Variants in SPINK6 observed in about 807,000 individuals in gnomAD.
SPINK6 encodes serine peptidase inhibitor Kazal type 6, also known as serine protease inhibitor Kazal-type 6.
SPINK6 carries 13 observed loss-of-function variants against 11.7 expected under a neutral mutation model. The observed-to-expected ratio is 1.11, with a 90% CI of 0.72 to 1.76. The LOEUF is 1.76. Ranked by LOEUF, SPINK6 falls within the 40% of genes most tolerant of loss-of-function variation. The pLI, the probability that SPINK6 is intolerant of heterozygous loss-of-function variation, is 0.00. For missense variants in SPINK6, 98 were observed against 93.7 expected (o/e 1.05, Z -0.19); for synonymous variants, 21 against 31.9 (o/e 0.66, Z 1.15).
chr5:148,209,996 A>ATG (rs1421402651), intron 2 of SPINK6, among the ~76,000 whole-genome samples: 12 of 145,008 alleles, frequency 8.3e-5, no homozygotes, highest in Non-Finnish European at 1.7e-4. Flanking sequence ...ATACATATAC[A>ATG]CGTATGTATA....
chr5:148,205,939 G>C, intron 1 of SPINK6, 97 bp from the exon 2 acceptor site: 1 of 1,248,324 alleles, frequency 8.0e-7, no homozygotes, highest in Non-Finnish European at 1.2e-6. Flanking sequence ...AGATAGCCAA[G>C]TACCAGGAGT....
Position 148,203,132 on chromosome 5 carries a change from G to C in SPINK6, c.36G>C (p.Leu12=), listed in dbSNP as rs1338720385. The C allele has an allele frequency of 6.2e-7, 1 of 1,611,950 alleles. No homozygotes were observed. The highest frequency in any genetic ancestry group is 1.3e-5 in the African/African-American group (1 of 74,698). ...KLSGMFLLLS[L]ALFCFLTGVF... is the part of the protein sequence containing the mutation. The stretch of plus-strand genomic sequence containing the variant: ...CAGGCATGTTTCTGCTCCTCTCTCT[G>C]GCTCTTTTCTGCTTTTTAACAGGTA... Residue 12 remains leucine (L), a synonymous_variant, in exon 1 of 4, where the codon CTG becomes CTC. Coordinates refer to ENST00000325630, the MANE Select transcript of SPINK6 (RefSeq NM_205841.4).
intron 2 of SPINK6, among the ~76,000 whole-genome samples, chr5:148,211,994 A>G (rs1048319200): frequency 3.9e-5 from 6 of 152,156 alleles, no homozygotes; most frequent in Non-Finnish European, 8.8e-5. Flanking sequence ...ACTTCATTCC[A>G]CACAGATATA....
At chr5:148,212,488 A>ATATATAAAGTATATATTT (rs1554112539) in intron 2 of SPINK6, among the ~76,000 whole-genome samples, 15 of 87,950 alleles carry the variant, frequency 1.7e-4, no homozygotes, top group East Asian at 3.0e-4. Context: ...TTTTATATAT[A>ATATATAAAGTATATATTT]TATATATATA....
intron 2 of SPINK6, among the ~76,000 whole-genome samples, chr5:148,212,408 A>T (rs1326321894): frequency 6.9e-6 from 1 of 145,352 alleles, no homozygotes; most frequent in African/African-American, 2.5e-5. Flanking sequence ...AGGTGGGAAG[A>T]TGTCTTGAGG....
chr5:148,209,905 G>C (rs766545489), intron 2 of SPINK6, among the ~76,000 whole-genome samples: 78 of 52,852 alleles, frequency 1.5e-3, no homozygotes, highest in Non-Finnish European at 3.8e-3. Flanking sequence ...GTTGTACTTT[G>C]CACATAAATG....
At chr5:148,211,911 C>T (rs183797862) in intron 2 of SPINK6, among the ~76,000 whole-genome samples, 52 of 152,166 alleles carry the variant, frequency 3.4e-4, no homozygotes, top group African/African-American at 1.3e-3. Context: ...TATTTTGAAG[C>T]AATTGATAAA....
chr5:148,204,662 A>G (rs1322257135), intron 1 of SPINK6, among the ~76,000 whole-genome samples: 1 of 152,048 alleles, frequency 6.6e-6, no homozygotes, highest in African/African-American at 2.4e-5. Context: ...TTAAATGAGA[A>G]AAAGGCATGT....
intron 2 of SPINK6, among the ~76,000 whole-genome samples, chr5:148,207,562 G>A (rs1364212944): frequency 2.0e-5 from 3 of 152,184 alleles, no homozygotes; most frequent in Non-Finnish European, 2.9e-5. Context: ...CGGGCACGGT[G>A]CCTCATGCCT....
chr5:148,209,237 T>C (rs988470647), intron 2 of SPINK6, among the ~76,000 whole-genome samples: 1 of 152,176 alleles, frequency 6.6e-6, no homozygotes, highest in East Asian at 1.9e-4. Flanking sequence ...ATTGAAAAAC[T>C]AAAGCCTCAG....
intron 1 of SPINK6, 110 bp from the exon 2 acceptor site, chr5:148,205,926 T>C (rs1191084906): frequency 8.6e-7 from 1 of 1,165,186 alleles, no homozygotes; most frequent in Non-Finnish European, 1.3e-6. Flanking sequence ...CGATGACTTT[T>C]TAAGATAGCC....
intron 1 of SPINK6, among the ~76,000 whole-genome samples, chr5:148,204,587 C>T (rs924416004): frequency 2.0e-5 from 3 of 151,126 alleles, no homozygotes; most frequent in African/African-American, 7.3e-5. Context: ...GCTTTGTGAA[C>T]TCTCTGATGT....
intron 2 of SPINK6, among the ~76,000 whole-genome samples, chr5:148,206,416 T>G (rs953659802): frequency 6.6e-6 from 1 of 152,160 alleles, no homozygotes; most frequent in Admixed American, 6.6e-5. Context: ...CTTCATAGAA[T>G]TGCAATTATA....
upstream of SPINK6, chr5:148,202,815 G>T (rs146003672): frequency 3.2e-6 from 1 of 315,836 alleles, no homozygotes; most frequent in Non-Finnish European, 5.7e-6. Flanking sequence ...TTAGAAAGAA[G>T]AGCCGGGAGG....
chr5:148,209,979 T>TACATACATACGTACGTAC (rs1554112238), intron 2 of SPINK6, among the ~76,000 whole-genome samples: 1 of 145,506 alleles, frequency 6.9e-6, no homozygotes, highest in African/African-American at 2.8e-5. Context: ...TACGTACGTA[T>TACATACATACGTACGTAC]GTATGTATAC....
intron 3 of SPINK6, among the ~76,000 whole-genome samples, 174 bp from the exon 4 acceptor site, chr5:148,214,731 C>T (rs2113320651): frequency 6.6e-6 from 1 of 152,330 alleles, no homozygotes; most frequent in Admixed American, 6.5e-5. Context: ...CTTTCCACAG[C>T]TAGGCCAGAT....
chr5:148,212,693 A>G, intron 2 of SPINK6, among the ~76,000 whole-genome samples: 1 of 116,168 alleles, frequency 8.6e-6, no homozygotes, highest in East Asian at 2.2e-4. Flanking sequence ...TATATAAACT[A>G]TATATTTATA....
At chr5:148,205,943 C>G in intron 1 of SPINK6, 93 bp from the exon 2 acceptor site, 3 of 1,282,020 alleles carry the variant, frequency 2.3e-6, no homozygotes, top group Admixed American at 1.8e-5. Context: ...AGCCAAGTAC[C>G]AGGAGTAGAT....
chr5:148,210,342 GTGTTTCTGCATACATATA>G (rs1755576722), intron 2 of SPINK6, among the ~76,000 whole-genome samples: 1 of 83,646 alleles, frequency 1.2e-5, no homozygotes, highest in East Asian at 4.0e-4. Context: ...ACATATATAT[GTGTTTCTGCATACATATA>G]TATGTATGTG....
Sources: allele counts gnomAD v4.1 joint callset (sites outside exome capture counted in the v4.1 genomes callset), GRCh38; gene constraint gnomAD v4.1.1; transcripts MANE v1.5; gene names NCBI Gene and HGNC (gene_info 2026-07-23, HGNC 2026-07-21).